PTK2B: variants seen among roughly 807,000 people sequenced by gnomAD.
The protein encoded by PTK2B is protein tyrosine kinase 2 beta.
A neutral mutation model predicts 142.9 loss-of-function variants in PTK2B; 71 were observed. The observed-to-expected ratio is 0.50, with a 90% CI of 0.41 to 0.61. The LOEUF (loss-of-function observed/expected upper bound fraction) is 0.61, where lower values mean the gene tolerates loss of function less well. PTK2B is among the 20% of genes least tolerant of loss of function. PTK2B has a pLI of 0.00. For missense variants in PTK2B, 1,105 were observed against 1,320.4 expected (o/e 0.84, Z 2.53); for synonymous variants, 519 against 503.4 (o/e 1.03, Z -0.42).
At chr8:27,310,578 T>C (rs1284459145), upstream of PTK2B, among the ~76,000 whole-genome samples, 1 of 152,228 alleles carries the variant, frequency 6.6e-6, no homozygotes, top group Non-Finnish European at 1.5e-5. Context: ...ACCTCATCTG[T>C]CACTTTCCGT....
rs188890300 is a variant in PTK2B at position 27,429,792 on chromosome 8, G to A, written c.552-301G>A. 2.6e-5 allele frequency among the ~76,000 whole-genome samples: 4 copies of A among 152,250 alleles called. No individual in the cohort carries two copies. In the East Asian group the frequency reaches 7.7e-4, roughly 29 times the overall value. Reference sequence around the variant, plus strand: ...GATCATTCAAGCATTGGCTGCCTTGGGCCTTTGTTCTTAGAGGCCACAGAT... The same window carrying A: ...GATCATTCAAGCATTGGCTGCCTTGAGCCTTTGTTCTTAGAGGCCACAGAT... On this transcript the variant is annotated intron_variant, in intron 5 of 30. Coordinates refer to ENST00000346049, the MANE Select transcript of PTK2B (RefSeq NM_173176.3).
Position 27,442,998 on chromosome 8 carries a change from G to A in PTK2B, c.2148+15G>A. 1 of 1,596,272 alleles carries A rather than the reference G, an allele frequency of 6.3e-7. No individual in the cohort carries two copies. ...CCCCACCCAAGGTAAGCCAAGCCAT[G>A]GCCTCATAAGTCCTGTGAGTCAAAG... On this transcript the variant is annotated intron_variant, in intron 22 of 30. Coordinates refer to ENST00000346049, the MANE Select transcript of PTK2B (RefSeq NM_173176.3).
chr8:27,390,184 A>T (rs1807628305), intron 1 of PTK2B, among the ~76,000 whole-genome samples: 1 of 152,110 alleles, frequency 6.6e-6, no homozygotes, highest in South Asian at 2.1e-4. Flanking sequence ...GCAGGAGCAG[A>T]GGAGAGGGAG....
intron 2 of PTK2B, among the ~76,000 whole-genome samples, chr8:27,402,387 T>C (rs1038310972): frequency 4.6e-5 from 7 of 152,168 alleles, no homozygotes; most frequent in South Asian, 4.1e-4. Context: ...TGAGACACAT[T>C]AACATCTTCA....
intron 8 of PTK2B, 159 bp downstream of exon 8, chr8:27,431,175 C>T: frequency 1.4e-6 from 2 of 1,466,174 alleles, no homozygotes; most frequent in Non-Finnish European, 1.8e-6. Context: ...AAAGCATCCC[C>T]TTGCCTGAAG....
intron 1 of PTK2B, among the ~76,000 whole-genome samples, chr8:27,397,209 C>T (rs1808104916): frequency 6.6e-6 from 1 of 152,198 alleles, no homozygotes; most frequent in Non-Finnish European, 1.5e-5. Context: ...GCTGTGACCG[C>T]CTTCTCTCAC....
chr8:27,366,613 G>A lies in PTK2B; in HGVS notation c.-37-30935G>A, dbSNP rs576356671. The stretch of plus-strand genomic sequence containing the variant: ...CACTTGGCGTCTAGCTCCCAGGCAG[G>A]TATTTCCTGAGCCAGGGTTCCTGTG... On this transcript the variant is annotated intron_variant, in intron 1 of 30. Transcript: ENST00000346049. Among the ~76,000 whole-genome samples the A allele has an allele frequency of 9.8e-5, 15 of 152,330 alleles. 1 individual carries two copies. In the South Asian group the frequency reaches 2.3e-3, roughly 23 times the overall value.
intron 1 of PTK2B, among the ~76,000 whole-genome samples, chr8:27,335,803 C>CA (rs2082720526): frequency 1.3e-5 from 2 of 152,082 alleles, no homozygotes; most frequent in Admixed American, 1.3e-4. Flanking sequence ...GTTCAAGCCT[C>CA]CTGTTTTTTA....
At position 27,430,963 on chromosome 8, in the gene PTK2B, ACT is replaced by A. The variant is rs761415717; in HGVS notation, c.761_762del (p.Leu254ArgfsTer14). ...EEECVMKFFN[T>X]LAGFANIDQE... Reference sequence around the variant, plus strand: ...GGAGTGCGTCATGAAGTTCTTCAACACTCTCGCCGGCTTCGCCAACATCGACC... The same window carrying A: ...GGAGTGCGTCATGAAGTTCTTCAACACTCGCCGGCTTCGCCAACATCGACC... On this transcript the variant is annotated frameshift_variant, in exon 8 of 31. Transcript: ENST00000346049. LOFTEE classifies it high-confidence loss of function. 1 of 1,613,670 alleles carries A rather than the reference ACT, an allele frequency of 6.2e-7. No individual in the cohort carries two copies.
At chr8:27,429,944 A>G (rs1470557448) in intron 5 of PTK2B, 149 bp from the exon 6 acceptor site, 2 of 752,576 alleles carry the variant, frequency 2.7e-6, no homozygotes, top group African/African-American at 1.7e-5. Context: ...AGGTCAAAAT[A>G]CTAAATTTTA....
chr8:27,416,381 A>G (rs907019637), intron 2 of PTK2B, among the ~76,000 whole-genome samples: 1 of 152,252 alleles, frequency 6.6e-6, no homozygotes, highest in African/African-American at 2.4e-5. Context: ...CTAGATGGCC[A>G]AATGATTTTT....
At chr8:27,354,480 CG>C (rs1373250322) in intron 1 of PTK2B, among the ~76,000 whole-genome samples, 4 of 152,128 alleles carry the variant, frequency 2.6e-5, no homozygotes, top group Non-Finnish European at 5.9e-5. Context: ...GGAAAGGAGA[CG>C]TTGCAGACAG....
intron 18 of PTK2B, among the ~76,000 whole-genome samples, chr8:27,438,387 C>T (rs1161927738): frequency 3.5e-5 from 1 of 28,600 alleles, no homozygotes; most frequent in Non-Finnish European, 7.2e-5. Context: ...CATTCCCTGC[C>T]ATGAGAACCT....
At chr8:27,438,355 C>T (rs1810926295) in intron 18 of PTK2B, among the ~76,000 whole-genome samples, 1 of 95,190 alleles carries the variant, frequency 1.1e-5, no homozygotes, top group Admixed American at 1.0e-4. Context: ...GAGTTGGCCC[C>T]TGCTTTACCT....
chr8:27,316,680 C>T (rs1803102444), intron 3 of PTK2B, among the ~76,000 whole-genome samples: 1 of 152,166 alleles, frequency 6.6e-6, no homozygotes, highest in Non-Finnish European at 1.5e-5. Context: ...TCACTGTAGT[C>T]CGATGTACCT....
chr8:27,385,434 G>T (rs1318968342), intron 1 of PTK2B, among the ~76,000 whole-genome samples: 1 of 152,216 alleles, frequency 6.6e-6, no homozygotes, highest in Non-Finnish European at 1.5e-5. Context: ...CTCTTCTCTT[G>T]TCACATTTCA....
intron 5 of PTK2B, among the ~76,000 whole-genome samples, chr8:27,428,577 T>A (rs998548223): frequency 5.3e-5 from 8 of 152,194 alleles, no homozygotes; most frequent in African/African-American, 1.9e-4. Context: ...CTGCTGACAT[T>A]TGGGGCTGGA....
intron 1 of PTK2B, among the ~76,000 whole-genome samples, chr8:27,396,997 T>C (rs1302300686): frequency 6.6e-6 from 1 of 152,196 alleles, no homozygotes; most frequent in Non-Finnish European, 1.5e-5. Flanking sequence ...TGTTGGCAGC[T>C]GAGGATGGGG....
At chr8:27,312,138 C>T (rs1474925889) in intron 1 of PTK2B, among the ~76,000 whole-genome samples, 1 of 152,218 alleles carries the variant, frequency 6.6e-6, no homozygotes, top group Non-Finnish European at 1.5e-5. Flanking sequence ...TTCAGATCTT[C>T]ATTCCTGCTT....
Sources: allele counts gnomAD v4.1 joint callset (sites outside exome capture counted in the v4.1 genomes callset), GRCh38; gene constraint gnomAD v4.1.1; transcripts MANE v1.5; gene names NCBI Gene and HGNC (gene_info 2026-07-23, HGNC 2026-07-21).